Variants in HPSE observed in about 807,000 individuals in gnomAD.
HPSE encodes endo-glucoronidase.
In HPSE, 48 loss-of-function variants were observed where a neutral mutation model predicts 65.1. The observed-to-expected ratio is 0.74, with a 90% confidence interval of 0.58 to 0.94. The LOEUF is 0.94. Ranked by LOEUF, HPSE falls within the 40% of genes least tolerant of loss-of-function variation. The pLI, the probability that HPSE is intolerant of heterozygous loss-of-function variation, is 0.00. For synonymous variants in HPSE, 243 were observed against 260.0 expected (o/e 0.93, Z 0.63); for missense variants, 644 against 637.5 (o/e 1.01, Z -0.11).
intron 4 of HPSE, 48 bp downstream of exon 4, chr4:83,313,066 G>A: frequency 9.2e-7 from 1 of 1,091,556 alleles, no homozygotes; most frequent in East Asian, 2.4e-5. Context: ...AAGAAATAAT[G>A]CTAGTGGGGG....
chr4:83,322,923 C>T (rs1342593922), intron 1 of HPSE, among the ~76,000 whole-genome samples: 1 of 151,484 alleles, frequency 6.6e-6, no homozygotes, highest in Non-Finnish European at 1.5e-5. Context: ...GCCACAGCCT[C>T]CCAAAATGCT....
At chr4:83,303,483 C>G (rs1736038165) in intron 9 of HPSE, among the ~76,000 whole-genome samples, 1 of 152,112 alleles carries the variant, frequency 6.6e-6, no homozygotes, top group Non-Finnish European at 1.5e-5. Flanking sequence ...TTTGGTGATA[C>G]TAAGGAATTA....
rs201319863 is a variant in HPSE, at chr4:83,326,208, T to C, written c.228-3844A>G. 1.2e-4 allele frequency among the ~76,000 whole-genome samples: 18 copies of C among 152,204 alleles called. No individual in the cohort carries two copies. In the East Asian group the frequency reaches 3.5e-3, roughly 29 times the overall value. ...TTCAAGACACACTTAGAGGTAGAAA[T>C]AATAGATTTGAGTTTTTAAAATAAC... On this transcript the variant is annotated intron_variant, in intron 1 of 11. Coordinates refer to ENST00000311412, the MANE Select transcript of HPSE (RefSeq NM_001098540.3). The surrounding 1 kb of genome is among the most constrained non-coding windows in gnomAD (Gnocchi z 4.2).
At chr4:83,316,900 T>G (rs374778096) in intron 3 of HPSE, among the ~76,000 whole-genome samples, 1 of 152,106 alleles carries the variant, frequency 6.6e-6, no homozygotes, top group African/African-American at 2.4e-5. Flanking sequence ...GTTTGTTTGT[T>G]TTTTGTTTTT....
In HPSE at chr4:83,309,968, A is replaced by G. The variant is rs1736302667; in HGVS notation, c.890+63T>C. 6 of 1,204,106 alleles carry G rather than the reference A, an allele frequency of 5.0e-6. No individual in the cohort carries two copies. The Admixed American group carries it at 8.4e-5, about 17-fold the overall frequency. 74.6% of individuals were successfully genotyped at this position (1,204,106 alleles called of 1,614,324 possible). ...GCAGTTAAATGAACTAACTTTTTGA[A>G]TACTAGGTAATAAATAAAGCTAGCC... On this transcript the variant is annotated intron_variant, in intron 6 of 11. Transcript: ENST00000311412.
In HPSE at chr4:83,309,445, T is replaced by C; in HGVS notation, c.941A>G (p.Asp314Gly). ...TATKEDFLNP[D>G]VLDIFISSVQ... ...AGATGAAATAAAAATGTCCAATACA[T>C]CAGGGTTTAGAAAATCTTCCTTGGT... Residue 314 changes from aspartate to glycine, a missense_variant, in exon 7 of 12, where the codon GAT becomes GGT. Asp to Gly is a moderately conservative substitution (Grantham distance 94). Coordinates refer to ENST00000311412, the MANE Select transcript of HPSE (RefSeq NM_001098540.3). The C allele has an allele frequency of 4.4e-6, 7 of 1,595,198 alleles. No homozygotes were observed. Among genetic ancestry groups the C allele is most frequent in the Non-Finnish European group, 5.1e-6 (6 of 1,166,790 alleles).
Position 83,293,095 on chromosome 4 carries a change from T to C in HPSE, c.*2249A>G, listed in dbSNP as rs1735606453. The C allele has an allele frequency of 6.6e-6, 1 of 152,204 alleles. No individual in the cohort carries two copies. The highest frequency in any genetic ancestry group is 6.5e-5 in the Admixed American group (1 of 15,278). 9.4% of individuals were successfully genotyped at this position (152,204 alleles called of 1,614,324 possible). On this transcript the variant is annotated 3_prime_UTR_variant, in exon 12 of 12. Coordinates refer to ENST00000311412, the MANE Select transcript of HPSE (RefSeq NM_001098540.3). ...TAAGAGGGGAAAATAATTACATTTT[T>C]TCACTGGTAAAAAGCGCAGAACTGC...
intron 4 of HPSE, 151 bp from the exon 5 acceptor site, chr4:83,311,041 G>T: frequency 1.5e-6 from 1 of 661,268 alleles, no homozygotes; most frequent in Non-Finnish European, 2.5e-6. Context: ...TGGCGCTATG[G>T]CTCATGCCTG....
Position 83,334,745 on chromosome 4 carries a change from A to G in HPSE, c.38T>C (p.Leu13Pro). The G allele has an allele frequency of 6.4e-7, 1 of 1,555,848 alleles. No individual in the cohort carries two copies. The highest frequency in any genetic ancestry group is 8.7e-7 in the Non-Finnish European group (1 of 1,149,798). The stretch of plus-strand genomic sequence containing the variant: ...CAGCGGCCCCAGGAGCAGCAGCATC[A>G]GCGGCGGCGGCAGCGCAGGCTTCGA... The part of the protein sequence containing the change: ...LRSKPALPPP[L>P]MLLLLGPLGP... Residue 13 changes from leucine (L) to proline (P), a missense_variant, in exon 1 of 12, where the codon CTG becomes CCG. Transcript: ENST00000311412.
At chr4:83,334,894 G>C (rs1401465867), upstream of HPSE, 2 of 1,420,640 alleles carry the variant, frequency 1.4e-6, no homozygotes, top group South Asian at 1.5e-5. Context: ...CCTCCGCCCC[G>C]TTACGCCTCC....
intron 3 of HPSE, among the ~76,000 whole-genome samples, chr4:83,318,317 A>G (rs1736733895): frequency 6.6e-6 from 1 of 152,110 alleles, no homozygotes; most frequent in African/African-American, 2.4e-5. Context: ...AGATAAAAAT[A>G]TATTTCATAG....
chr4:83,314,325 ATTAT>A (rs965086931), intron 3 of HPSE, among the ~76,000 whole-genome samples: 1 of 152,156 alleles, frequency 6.6e-6, no homozygotes, highest in Admixed American at 6.5e-5. Context: ...CATGAAAAAA[ATTAT>A]TTATCTGAAA....
intron 3 of HPSE, among the ~76,000 whole-genome samples, chr4:83,317,186 AC>A (rs1306967986): frequency 5.3e-5 from 8 of 152,242 alleles, no homozygotes; most frequent in Non-Finnish European, 1.0e-4. Context: ...GGTGTGAGCC[AC>A]AGCACCCAGC....
chr4:83,325,769 T>A (rs1057466212), intron 1 of HPSE, among the ~76,000 whole-genome samples: 3 of 152,132 alleles, frequency 2.0e-5, no homozygotes, highest in Non-Finnish European at 4.4e-5. Flanking sequence ...TCAGGGGAAA[T>A]GGTTTCACTG....
chr4:83,309,945 A>G (rs1196222523), intron 6 of HPSE, 86 bp downstream of exon 6: 1 of 872,266 alleles, frequency 1.1e-6, no homozygotes. Flanking sequence ...GTCAATTGGC[A>G]GTTAAATGAA....
intron 1 of HPSE, among the ~76,000 whole-genome samples, chr4:83,325,521 A>G (rs779479392): frequency 1.1e-4 from 16 of 152,204 alleles, no homozygotes; most frequent in Non-Finnish European, 1.3e-4. Flanking sequence ...AGATAAAGCC[A>G]TCTGTTAATT....
chr4:83,294,846 G>A lies in HPSE; in HGVS notation c.*498C>T, dbSNP rs1244127308. 1 of 152,178 alleles carries A rather than the reference G, an allele frequency of 6.6e-6. No homozygotes were observed. Among genetic ancestry groups the A allele is most frequent in the Non-Finnish European group, 1.5e-5 (1 of 68,096 alleles). The allele number at this position is 152,178 out of a possible 1,614,324, so 9.4% of individuals were successfully genotyped here. ...GAGGCGGGTGGATCACTTGAGGACA[G>A]GAGTTCGAGGACAGGAGTTCGAGAC... On this transcript the variant is annotated 3_prime_UTR_variant, in exon 12 of 12. Coordinates refer to ENST00000311412, the MANE Select transcript of HPSE (RefSeq NM_001098540.3).
At chr4:83,315,961 C>A (rs1736615694) in intron 3 of HPSE, among the ~76,000 whole-genome samples, 1 of 152,202 alleles carries the variant, frequency 6.6e-6, no homozygotes, top group South Asian at 2.1e-4. Flanking sequence ...ATAACATAAT[C>A]AACTGTAACA....
At chr4:83,312,841 CAAA>C (rs1200808673) in intron 4 of HPSE, among the ~76,000 whole-genome samples, 1 of 10,982 alleles carries the variant, frequency 9.1e-5, no homozygotes, top group Non-Finnish European at 1.4e-4. Flanking sequence ...ACTAAAAATG[CAAA>C]AAAAAAAAAA....
Sources: allele counts gnomAD v4.1 joint callset (sites outside exome capture counted in the v4.1 genomes callset), GRCh38; gene constraint gnomAD v4.1.1; non-coding constraint Gnocchi (gnomAD v3.1); transcripts MANE v1.5; gene names NCBI Gene and HGNC (gene_info 2026-07-23, HGNC 2026-07-21).